NAA25: variants seen among roughly 807,000 people sequenced by gnomAD.
NAA25 encodes N-terminal acetyltransferase B complex subunit NAA25.
Under a neutral mutation model 132.5 loss-of-function variants are expected in NAA25, and 30 were observed. The observed-to-expected ratio is 0.23, with a 90% CI of 0.17 to 0.31. The LOEUF (loss-of-function observed/expected upper bound fraction) is 0.31. Among genes scored for constraint, NAA25 ranks in the 10% least tolerant of loss-of-function variants. NAA25 has a pLI of 1.00. For synonymous variants in NAA25, 359 were observed against 401.9 expected, an observed-to-expected ratio of 0.89 and a Z score of 1.28; for missense variants, 771 against 1,150.4, an observed-to-expected ratio of 0.67 and a Z score of 4.77.
Position 112,029,420 on chromosome 12 carries a change from T to G in NAA25, c.*111A>C. The G allele has an allele frequency of 6.5e-7, 1 of 1,533,840 alleles. No homozygotes were observed. Among genetic ancestry groups the G allele is most frequent in the Admixed American group, 1.9e-5 (1 of 51,516 alleles). ...TTCACGATCAAAGTCCTTCATGCAT[T>G]TTATGAGGAAGTTCTGGATTAAAAT... On this transcript the variant is annotated 3_prime_UTR_variant, in exon 24 of 24. Transcript: ENST00000261745.
At chr12:112,073,446 C>T (rs572296042) in intron 9 of NAA25, among the ~76,000 whole-genome samples, 2 of 151,900 alleles carry the variant, frequency 1.3e-5, no homozygotes, top group South Asian at 4.2e-4. Context: ...CATTTATTCA[C>T]TTTTTTTTGA....
rs547472388 is a variant in NAA25 at position 112,092,748 on chromosome 12, G to A, written c.144+303C>T. On this transcript the variant is annotated intron_variant, in intron 2 of 23. Transcript: ENST00000261745. ...GCTAGAGTGCAATGGTGCGATCTCCGCTCACTGCAACCTCCACCTCCTGGG... is the reference window on the plus strand; with the variant it reads ...GCTAGAGTGCAATGGTGCGATCTCCACTCACTGCAACCTCCACCTCCTGGG... 1.1e-4 allele frequency among the ~76,000 whole-genome samples: 17 copies of A among 147,936 alleles called. No homozygotes were observed. In the South Asian group the frequency reaches 3.1e-3, roughly 27 times the overall value.
intron 4 of NAA25, among the ~76,000 whole-genome samples, chr12:112,086,810 G>C (rs970656689): frequency 6.6e-6 from 1 of 151,926 alleles, no homozygotes; most frequent in African/African-American, 2.4e-5. Flanking sequence ...TCGGGAGTTT[G>C]AGACCAGCCT....
rs1417324326 is a variant in NAA25, at chr12:112,029,576, C to T, written c.2874G>A (p.Glu958=). Residue 958 remains glutamate, a synonymous_variant, in exon 24 of 24, where the codon GAG becomes GAA. Transcript: ENST00000261745. ...TGGTCTCAAGTCTTTTTTTCAGCAG[C>T]TCCCCCATTTCCAGAAGTGAGTGCA... ...SYLHSLLEMG[E]LLKKRLETTK... 5.0e-6 allele frequency: 8 copies of T among 1,613,858 alleles called. No individual in the cohort carries two copies. In the African/African-American group the frequency reaches 6.7e-5, roughly 13 times the overall value.
chr12:112,027,394 G>A lies in NAA25; in HGVS notation c.*2137C>T, dbSNP rs2078099563. ...AAGAACAGATTGATAAGAGATATTG[G>A]CCATTTCTGCATAATTTCATTCTTT... is the stretch of plus-strand genomic sequence containing the variant. On this transcript the variant is annotated 3_prime_UTR_variant, in exon 24 of 24. Coordinates refer to ENST00000261745, the MANE Select transcript of NAA25 (RefSeq NM_024953.4). The A allele has an allele frequency of 6.6e-6, 1 of 152,312 alleles. No homozygotes were observed. The highest frequency in any genetic ancestry group is 6.6e-5 in the Admixed American group (1 of 15,250). The allele number at this position is 152,312 out of a possible 1,614,324, so 9.4% of individuals were successfully genotyped here. A position where few individuals can be genotyped will look rare whatever the true frequency, so the allele number is the denominator to read the frequency against.
intron 3 of NAA25, among the ~76,000 whole-genome samples, chr12:112,088,616 GA>G (rs1287163691): frequency 6.7e-6 from 1 of 149,734 alleles, no homozygotes; most frequent in African/African-American, 2.5e-5. Flanking sequence ...CATGACAACA[GA>G]AAGTGCTTTT....
chr12:112,072,180 A>C (rs898199323), intron 9 of NAA25, 116 bp from the exon 10 acceptor site: 65 of 737,896 alleles, frequency 8.8e-5, no homozygotes, highest in Admixed American at 4.0e-4. Flanking sequence ...ATAAAATAAT[A>C]GAAAAAGGAA....
intron 9 of NAA25, among the ~76,000 whole-genome samples, chr12:112,073,901 C>T (rs972041543): frequency 2.0e-5 from 3 of 151,884 alleles, no homozygotes; most frequent in African/African-American, 7.3e-5. Context: ...ATCTGGAGTA[C>T]TCTTAAGCCA....
chr12:112,051,334 C>A (rs1593767313), intron 15 of NAA25, among the ~76,000 whole-genome samples: 1 of 152,164 alleles, frequency 6.6e-6, no homozygotes, highest in African/African-American at 2.4e-5. Context: ...CCTCAGCCTG[C>A]CGAGTAGCTG....
At chr12:112,090,886 T>C (rs766600811) in intron 2 of NAA25, 22 bp from the exon 3 acceptor site, 11 of 1,581,520 alleles carry the variant, frequency 7.0e-6, no homozygotes, top group Non-Finnish European at 8.6e-7. Flanking sequence ...AAAAGAAAAA[T>C]CAGTTTTTAA....
intron 7 of NAA25, among the ~76,000 whole-genome samples, chr12:112,077,469 C>T (rs2078910098): frequency 7.3e-6 from 1 of 137,512 alleles, no homozygotes; most frequent in African/African-American, 2.9e-5. Flanking sequence ...GAGACTCTGT[C>T]TCCAAAAAAA....
intron 23 of NAA25, among the ~76,000 whole-genome samples, chr12:112,030,584 C>A (rs2078136583): frequency 6.6e-6 from 1 of 152,024 alleles, no homozygotes; most frequent in Admixed American, 6.5e-5. Flanking sequence ...TAGTAGAGAT[C>A]ACAAAAAACA....
intron 1 of NAA25, among the ~76,000 whole-genome samples, chr12:112,106,955 CAAAAAA>C (rs11286456): frequency 2.3e-4 from 6 of 25,828 alleles, no homozygotes; most frequent in African/African-American, 6.4e-4. Context: ...AGACTGTCTC[CAAAAAA>C]AAAAAAAAAA....
intron 11 of NAA25, 72 bp downstream of exon 11, chr12:112,068,808 A>C (rs2078758287): frequency 2.4e-6 from 2 of 816,668 alleles, no homozygotes; most frequent in Non-Finnish European, 4.0e-6. Context: ...TAGAAAAGAA[A>C]CCCAAACATT....
chr12:112,058,320 G>A (rs1355685248), intron 13 of NAA25, among the ~76,000 whole-genome samples: 1 of 152,216 alleles, frequency 6.6e-6, no homozygotes, highest in Admixed American at 6.5e-5. Flanking sequence ...ATTTCAAAGA[G>A]AGGCAACATG....
At chr12:112,042,409 T>A (rs1234772526) in intron 19 of NAA25, 1 of 163,344 alleles carries the variant, frequency 6.1e-6, no homozygotes, top group Non-Finnish European at 1.3e-5. Flanking sequence ...ATTTAAAAAA[T>A]AAATAAATAA....
intron 13 of NAA25, among the ~76,000 whole-genome samples, chr12:112,059,631 A>C (rs1223783591): frequency 6.6e-6 from 1 of 152,220 alleles, no homozygotes; most frequent in African/African-American, 2.4e-5. Flanking sequence ...AATAAAAGAT[A>C]TTCTGTTCCA....
intron 11 of NAA25, among the ~76,000 whole-genome samples, chr12:112,062,932 C>T (rs1329732687): frequency 2.6e-5 from 4 of 151,616 alleles, no homozygotes; most frequent in East Asian, 1.9e-4. Context: ...TGGTAGTGCA[C>T]GCCTGTAGTC....
intron 10 of NAA25, chr12:112,069,314 G>A: frequency 4.4e-6 from 1 of 228,918 alleles, no homozygotes; most frequent in Non-Finnish European, 8.7e-6. Context: ...AGACCAGCCT[G>A]GCAACATGGT....
Sources: gnomAD v4.1 joint callset for allele counts (sites outside exome capture counted in the v4.1 genomes callset) on GRCh38, gnomAD v4.1.1 for gene constraint, MANE v1.5 for transcripts, NCBI Gene and HGNC (gene_info 2026-07-23, HGNC 2026-07-21) for gene names.